The following ELL2 variants were observed in gnomAD, a reference collection of about 807,000 sequenced individuals.
The protein encoded by ELL2 is RNA polymerase II elongation factor ELL2.
ELL2 carries 21 observed loss-of-function variants against 72.8 expected under a neutral mutation model. The ratio of observed to expected loss-of-function variants is 0.29; its 90% confidence interval spans 0.20 to 0.42. ELL2 has a LOEUF of 0.42. Among genes scored for constraint, ELL2 ranks in the 10% least tolerant of loss-of-function variants. ELL2 has a pLI of 1.00. For synonymous variants in ELL2, 266 were observed against 283.2 expected (o/e 0.94, Z 0.61); for missense variants, 568 against 772.8 (o/e 0.73, Z 3.14).
rs1294177350 is a variant in ELL2 at position 95,885,918 on chromosome 5, C to A, written c.*2953G>T. 1.3e-5 allele frequency: 2 copies of A among 152,020 alleles called. No homozygotes were observed. The highest frequency in any genetic ancestry group is 2.9e-5 in the Non-Finnish European group (2 of 67,988). The allele number at this position is 152,020 out of a possible 1,614,324, so 9.4% of individuals were successfully genotyped here. On this transcript the variant is annotated 3_prime_UTR_variant, in exon 12 of 12. Transcript: ENST00000237853. The stretch of plus-strand genomic sequence containing the variant: ...AAATAACAAGGTAGGAAATGCAATA[C>A]CTATATATTTTAAAAAGCCCACATC...
chr5:95,931,968 C>A (rs1038871955), intron 2 of ELL2, among the ~76,000 whole-genome samples: 1 of 139,366 alleles, frequency 7.2e-6, no homozygotes, highest in Non-Finnish European at 1.5e-5. Context: ...ATTTTAAAGT[C>A]TGTGGGGGTG....
At chr5:95,929,348 G>A (rs1029791361) in intron 2 of ELL2, among the ~76,000 whole-genome samples, 5 of 150,036 alleles carry the variant, frequency 3.3e-5, no homozygotes, top group Non-Finnish European at 5.9e-5. Context: ...AACCTCTGCC[G>A]CCTGGGTTCA....
chr5:95,893,073 C>A (rs1748726246), intron 9 of ELL2, among the ~76,000 whole-genome samples: 1 of 152,150 alleles, frequency 6.6e-6, no homozygotes, highest in South Asian at 2.1e-4. Flanking sequence ...ATTTATCGTG[C>A]TTTCTCAAAA....
chr5:95,898,219 G>A (rs1748950817), intron 8 of ELL2, 21 bp downstream of exon 8: 1 of 1,562,096 alleles, frequency 6.4e-7, no homozygotes, highest in Non-Finnish European at 8.7e-7. Flanking sequence ...TGCACTTCTG[G>A]TTCATCTAAA....
At chr5:95,953,249 C>T (rs1038173683) in intron 1 of ELL2, among the ~76,000 whole-genome samples, 2 of 152,232 alleles carry the variant, frequency 1.3e-5, no homozygotes, top group African/African-American at 4.8e-5. Context: ...ATGCCTAGTT[C>T]TATCCCTGGC....
chr5:95,896,554 T>C (rs1438471700), intron 8 of ELL2, among the ~76,000 whole-genome samples: 13 of 152,208 alleles, frequency 8.5e-5, no homozygotes, highest in Non-Finnish European at 1.5e-5. Flanking sequence ...TATTAATACA[T>C]AGACTCTGAG....
intron 1 of ELL2, among the ~76,000 whole-genome samples, chr5:95,954,686 C>T (rs1416769245): frequency 6.6e-6 from 1 of 150,592 alleles, no homozygotes; most frequent in East Asian, 1.9e-4. Context: ...GTGATGCGCC[C>T]GCCTAGGCCT....
intron 4 of ELL2, among the ~76,000 whole-genome samples, chr5:95,907,296 A>ATATATATATATATATATATTTTTTTTTT: frequency 8.6e-6 from 1 of 116,520 alleles, no homozygotes; most frequent in African/African-American, 4.1e-5. Context: ...ATATATATAT[A>ATATATATATATATATATATTTTTTTTTT]TTTTTTTTTT....
intron 2 of ELL2, among the ~76,000 whole-genome samples, chr5:95,935,258 G>A (rs1750732117): frequency 6.6e-6 from 1 of 152,138 alleles, no homozygotes; most frequent in South Asian, 2.1e-4. Context: ...CCTGCTTAGA[G>A]TTATAAGTTA....
Position 95,895,697 on chromosome 5 carries a change from A to G in ELL2, c.1526-6T>C. On this transcript the variant is annotated splice_polypyrimidine_tract_variant and splice_region_variant and intron_variant, in intron 8 of 11. Transcript: ENST00000237853. Reference sequence around the variant, plus strand: ...AGTGCAATCCTCTTTAACTCCTATGAAGAAAAAAAACAAAATCAGAGCATT... The same window carrying G: ...AGTGCAATCCTCTTTAACTCCTATGGAGAAAAAAAACAAAATCAGAGCATT... 6.2e-7 allele frequency: 1 copy of G among 1,613,354 alleles called. No individual in the cohort carries two copies. Among genetic ancestry groups the G allele is most frequent in the Non-Finnish European group, 8.5e-7 (1 of 1,179,452 alleles).
intron 4 of ELL2, among the ~76,000 whole-genome samples, chr5:95,910,190 T>C (rs1398132237): frequency 1.3e-5 from 2 of 151,738 alleles, no homozygotes; most frequent in Admixed American, 1.3e-4. Context: ...TTGAGAAAAG[T>C]AAGATGTTAA....
intron 2 of ELL2, among the ~76,000 whole-genome samples, chr5:95,934,098 G>C (rs567603411): frequency 1.3e-5 from 2 of 152,138 alleles, no homozygotes; most frequent in South Asian, 2.1e-4. Context: ...AACATAACTA[G>C]ATTAAGGAAA....
chr5:95,899,310 A>C (rs2112277794), intron 7 of ELL2, among the ~76,000 whole-genome samples: 1 of 152,356 alleles, frequency 6.6e-6, no homozygotes, highest in Middle Eastern at 3.4e-3. Context: ...GCCTGCACTT[A>C]TTTTAATCTT....
At chr5:95,959,461 G>C (rs1003564905) in intron 1 of ELL2, among the ~76,000 whole-genome samples, 4 of 152,086 alleles carry the variant, frequency 2.6e-5, no homozygotes, top group African/African-American at 9.7e-5. Context: ...CCTTGGAACA[G>C]GCAAGCTTAT....
At position 95,919,426 on chromosome 5, in the gene ELL2, G is replaced by A; in HGVS notation, c.315C>T (p.Ser105=). Residue 105 remains serine, a splice_region_variant and synonymous_variant, in exon 3 of 12, where the codon TCC becomes TCT. Transcript: ENST00000237853. ...AGTGTACCTTGAAAAGTACTTACCT[G>A]GAGAATGTTTGCTGGATGCAGTCAA... ...GSFDCIQQTF[S]SSGASQLNCL... 6.3e-7 allele frequency: 1 copy of A among 1,580,710 alleles called. No individual in the cohort carries two copies.
chr5:95,961,745 G>A lies in ELL2; in HGVS notation c.-24C>T. The stretch of plus-strand genomic sequence containing the variant: ...ATCTTAAACTCCCCGGGGTGCCGCC[G>A]CCGCCGCCGCTCCGGCTCTAGCCTC... On this transcript the variant is annotated 5_prime_UTR_variant, in exon 1 of 12. Transcript: ENST00000237853. 1 of 1,572,410 alleles carries A rather than the reference G, an allele frequency of 6.4e-7. No homozygotes were observed. The highest frequency in any genetic ancestry group is 1.1e-5 in the South Asian group (1 of 87,200).
intron 2 of ELL2, among the ~76,000 whole-genome samples, chr5:95,937,017 T>C (rs1439838240): frequency 6.6e-6 from 1 of 152,198 alleles, no homozygotes; most frequent in Admixed American, 6.5e-5. Flanking sequence ...CACTGACAAA[T>C]ATTTGCTAAG....
chr5:95,947,483 G>A (rs1174422080), intron 1 of ELL2, among the ~76,000 whole-genome samples: 1 of 152,130 alleles, frequency 6.6e-6, no homozygotes, highest in African/African-American at 2.4e-5. Context: ...TCTAATGTAT[G>A]GCACAGAGCA....
intron 1 of ELL2, among the ~76,000 whole-genome samples, chr5:95,949,821 G>C (rs1751308513): frequency 2.0e-5 from 3 of 152,140 alleles, no homozygotes; most frequent in Admixed American, 2.0e-4. Context: ...TAAAGAAACA[G>C]TTTTAGCTAA....
Sources: gnomAD v4.1 joint callset for allele counts (sites outside exome capture counted in the v4.1 genomes callset) on GRCh38, gnomAD v4.1.1 for gene constraint, MANE v1.5 for transcripts, NCBI Gene and HGNC (gene_info 2026-07-23, HGNC 2026-07-21) for gene names.